Variants in SCRT2 observed in about 807,000 individuals in gnomAD.
SCRT2 encodes scratch family transcriptional repressor 2.
SCRT2 carries 2 observed loss-of-function variants against 3.7 expected under a neutral mutation model. That is an observed-to-expected ratio of 0.54 (90% CI 0.22 to 1.70). SCRT2 has a LOEUF of 1.70. Among genes scored for constraint, SCRT2 ranks in the 40% most tolerant of loss-of-function variants. The probability of loss-of-function intolerance (pLI) is 0.19; values close to 1 mark genes in which losing one functional copy is unlikely to be tolerated. For missense variants in SCRT2, 456 were observed against 468.5 expected (o/e 0.97, Z 0.25); for synonymous variants, 256 against 220.6 (o/e 1.16, Z -1.42).
rs1984174918 is a variant in SCRT2 at position 666,989 on chromosome 20, G to A, written c.134-2528C>T. On this transcript the variant is annotated intron_variant, in intron 1 of 1. Transcript: ENST00000246104. This position sits in a 1 kb window ranked among gnomAD's most constrained non-coding sequence, Gnocchi z 4.4. Reference sequence around the variant, plus strand: ...AGTGCTTTGAGTTCTATTATTAAAGGATGACATATTGGATAAGAGTAAAAC... The same window carrying A: ...AGTGCTTTGAGTTCTATTATTAAAGAATGACATATTGGATAAGAGTAAAAC... Among the ~76,000 whole-genome samples the A allele has an allele frequency of 6.6e-6, 1 of 152,162 alleles. No homozygotes were observed. The highest frequency in any genetic ancestry group is 2.1e-4 in the South Asian group (1 of 4,830).
chr20:665,549 TG>T lies in SCRT2; in HGVS notation c.134-1089del, dbSNP rs1984130781. 6.6e-6 allele frequency among the ~76,000 whole-genome samples: 1 copy of T among 152,148 alleles called. No individual in the cohort carries two copies. Among genetic ancestry groups the T allele is most frequent in the Admixed American group, 6.5e-5 (1 of 15,274 alleles). The stretch of plus-strand genomic sequence containing the variant: ...TTGAGTGATTGGTGGGTGGGCAGGC[TG>T]GGGTCTCCCTGGGGATTCCGTAGGG... On this transcript the variant is annotated intron_variant, in intron 1 of 1. Transcript: ENST00000246104. The surrounding 1 kb of genome is among the most constrained non-coding windows in gnomAD (Gnocchi z 5.0).
rs781582235 is a variant in SCRT2 at position 675,462 on chromosome 20, C to T, written c.133+7G>A. On this transcript the variant is annotated splice_region_variant and intron_variant, in intron 1 of 1. Coordinates refer to ENST00000246104, the MANE Select transcript of SCRT2 (RefSeq NM_033129.4). The surrounding 1 kb of genome is among the most constrained non-coding windows in gnomAD (Gnocchi z 6.9). ...CCAACCCCCCGCCCCCGCCGGGTCC[C>T]ACTCACCGTTGTCCCCGGGAGGCCC... 7.5e-7 allele frequency: 1 copy of T among 1,326,132 alleles called. No individual in the cohort carries two copies. The highest frequency in any genetic ancestry group is 9.7e-7 in the Non-Finnish European group (1 of 1,031,494). 82.1% of individuals were successfully genotyped at this position (1,326,132 alleles called of 1,614,324 possible).
At chr20:673,501 C>A (rs1984411514) in intron 1 of SCRT2, among the ~76,000 whole-genome samples, 1 of 152,190 alleles carries the variant, frequency 6.6e-6, no homozygotes. Flanking sequence ...TTCTGGCTAT[C>A]AGCACAGCCT....
rs1600472922 is a variant in SCRT2, at chr20:667,556, A to C, written c.134-3095T>G. Among the ~76,000 whole-genome samples the C allele has an allele frequency of 6.6e-6, 1 of 152,178 alleles. No homozygotes were observed. The highest frequency in any genetic ancestry group is 2.1e-4 in the South Asian group (1 of 4,832). ...TCTGGTGCATAGTAGGAGCTCCATCAGTGAACCAGAGCGTTCTCCATGAGG... is the reference window on the plus strand; with the variant it reads ...TCTGGTGCATAGTAGGAGCTCCATCCGTGAACCAGAGCGTTCTCCATGAGG... On this transcript the variant is annotated intron_variant, in intron 1 of 1. Coordinates refer to ENST00000246104, the MANE Select transcript of SCRT2 (RefSeq NM_033129.4). The surrounding 1 kb of genome is among the most constrained non-coding windows in gnomAD (Gnocchi z 4.4).
rs749435167 is a variant in SCRT2, at chr20:675,574, T to C, written c.28A>G (p.Ile10Val). The change falls in exon 1 of 2, where the codon ATC becomes GTC. Residue 10 changes from isoleucine (I) to valine (V), a missense_variant. Ile to Val is a conservative substitution (Grantham distance 29, BLOSUM62 3). Transcript: ENST00000246104. This position sits in a 1 kb window ranked among gnomAD's most constrained non-coding sequence, Gnocchi z 6.9. ...CTGCACTGGAAGCCGTCCCCTTTGA[T>C]CTTCTTTACCAGGAAGGAGCGCGGC... MPRSFLVKK[I>V]KGDGFQCSGV... 26 of 1,351,392 alleles carry C rather than the reference T, an allele frequency of 1.9e-5. No homozygotes were observed. In the Middle Eastern group the frequency reaches 6.4e-4, roughly 33 times the overall value. 83.7% of individuals were successfully genotyped at this position (1,351,392 alleles called of 1,614,324 possible).
intron 1 of SCRT2, among the ~76,000 whole-genome samples, chr20:671,897 G>A (rs1465879597): frequency 6.6e-6 from 1 of 152,164 alleles, no homozygotes; most frequent in Non-Finnish European, 1.5e-5. Context: ...AAGGTGGAGG[G>A]GAGGCAGACA....
chr20:668,682 T>C (rs1984233693), intron 1 of SCRT2, among the ~76,000 whole-genome samples: 1 of 152,172 alleles, frequency 6.6e-6, no homozygotes. Flanking sequence ...GGAAATGACT[T>C]TGGTTTTCCC....
At position 670,478 on chromosome 20, in the gene SCRT2, C is replaced by T. The variant is rs558320769; in HGVS notation, c.133+4991G>A. Among the ~76,000 whole-genome samples, 36 of 152,326 alleles carry T rather than the reference C, an allele frequency of 2.4e-4. 2 individuals carry two copies. The South Asian group carries it at 5.6e-3, about 24-fold the overall frequency. On this transcript the variant is annotated intron_variant, in intron 1 of 1. Transcript: ENST00000246104. ...GAGGCCCGAGGGACCCCATCTCTCC[C>T]GGCAGAGGGCCTCCAGGCTGTGGGG...
In SCRT2 at chr20:663,007, G is replaced by A. The variant is rs369159556; in HGVS notation, c.*664C>T. The A allele has an allele frequency of 3.9e-5, 6 of 152,846 alleles. No individual in the cohort carries two copies. The East Asian group carries it at 9.6e-4, about 24-fold the overall frequency. 9.5% of individuals were successfully genotyped at this position (152,846 alleles called of 1,614,324 possible). A position where few individuals can be genotyped will look rare whatever the true frequency, so the allele number is the denominator to read the frequency against. On this transcript the variant is annotated 3_prime_UTR_variant, in exon 2 of 2. Coordinates refer to ENST00000246104, the MANE Select transcript of SCRT2 (RefSeq NM_033129.4). The surrounding 1 kb of genome is among the most constrained non-coding windows in gnomAD (Gnocchi z 6.9). ...GGAACTGTGTGTGGGAGTGGGGTGTGGGGGTGTGTGTGTGTGTGAATGGCC... is the reference window on the plus strand; with the variant it reads ...GGAACTGTGTGTGGGAGTGGGGTGTAGGGGTGTGTGTGTGTGTGAATGGCC...
In SCRT2 at chr20:663,529, T is replaced by G; in HGVS notation, c.*142A>C. On this transcript the variant is annotated 3_prime_UTR_variant, in exon 2 of 2. Coordinates refer to ENST00000246104, the MANE Select transcript of SCRT2 (RefSeq NM_033129.4). This position sits in a 1 kb window ranked among gnomAD's most constrained non-coding sequence, Gnocchi z 6.9. ...TGGGTTTGGGGGTTGGGGAGAAAAGTTCCGGGCCGGGCCGGGGGTCCCCAC... is the reference window on the plus strand; with the variant it reads ...TGGGTTTGGGGGTTGGGGAGAAAAGGTCCGGGCCGGGCCGGGGGTCCCCAC... 2 of 750,078 alleles carry G rather than the reference T, an allele frequency of 2.7e-6. No homozygotes were observed. Among genetic ancestry groups the G allele is most frequent in the Non-Finnish European group, 3.7e-6 (2 of 542,910 alleles). 46.5% of individuals were successfully genotyped at this position (750,078 alleles called of 1,614,324 possible). A position where few individuals can be genotyped will look rare whatever the true frequency, so the allele number is the denominator to read the frequency against.
chr20:669,833 C>A (rs1984274072), intron 1 of SCRT2, among the ~76,000 whole-genome samples: 1 of 152,216 alleles, frequency 6.6e-6, no homozygotes, highest in Non-Finnish European at 1.5e-5. Flanking sequence ...TAGCGGTTCC[C>A]TGGGCACTGG....
rs1315552581 is a variant in SCRT2, at chr20:675,739, G to A, written c.-138C>T. The A allele has an allele frequency of 9.4e-6, 4 of 424,918 alleles. No individual in the cohort carries two copies. Among genetic ancestry groups the A allele is most frequent in the African/African-American group, 8.4e-5 (4 of 47,380 alleles). 26.3% of individuals were successfully genotyped at this position (424,918 alleles called of 1,614,324 possible). A position where few individuals can be genotyped will look rare whatever the true frequency, so the allele number is the denominator to read the frequency against. On this transcript the variant is annotated 5_prime_UTR_variant, in exon 1 of 2. Transcript: ENST00000246104. The surrounding 1 kb of genome is among the most constrained non-coding windows in gnomAD (Gnocchi z 6.9). ...CCGCTCGGAGCCGGCACCGGTGGCG[G>A]CGGCCCCGGCTCGGGCTCGGGCTTG...
intron 1 of SCRT2, among the ~76,000 whole-genome samples, chr20:672,539 A>T (rs75552362): frequency 0.078 from 11,862 of 151,876 alleles, 747 homozygotes; most frequent in East Asian, 0.21. Context: ...CTGCATCTTT[A>T]TCAGCTAGGA....
At position 662,162 on chromosome 20, in the gene SCRT2, C is replaced by G. The variant is rs557182625; in HGVS notation, c.*1509G>C. 5 of 152,984 alleles carry G rather than the reference C, an allele frequency of 3.3e-5. No homozygotes were observed. Among genetic ancestry groups the G allele is most frequent in the African/African-American group, 1.2e-4 (5 of 41,588 alleles). 9.5% of individuals were successfully genotyped at this position (152,984 alleles called of 1,614,324 possible). ...GCGGGTGGCTGGCAGCCCGGCCCCTCTGTCCGGGAGAGTTGCATAGACATG... is the reference window on the plus strand; with the variant it reads ...GCGGGTGGCTGGCAGCCCGGCCCCTGTGTCCGGGAGAGTTGCATAGACATG... On this transcript the variant is annotated 3_prime_UTR_variant, in exon 2 of 2. Transcript: ENST00000246104.
Position 663,558 on chromosome 20 carries a change from A to C in SCRT2, c.*113T>G, listed in dbSNP as rs112858215. ...GGGCCGGGCCGGGGGTCCCCACGAG[A>C]GGGTCATGGGCAGGGAAACGCAGCC... On this transcript the variant is annotated 3_prime_UTR_variant, in exon 2 of 2. Coordinates refer to ENST00000246104, the MANE Select transcript of SCRT2 (RefSeq NM_033129.4). The surrounding 1 kb of genome is among the most constrained non-coding windows in gnomAD (Gnocchi z 6.9). 74,125 of 1,007,216 alleles carry C rather than the reference A, an allele frequency of 0.074. 2,955 individuals are homozygous for C. The highest frequency in any genetic ancestry group is 0.14 in the Middle Eastern group (375 of 2,768). The allele number at this position is 1,007,216 out of a possible 1,614,324, so 62.4% of individuals were successfully genotyped here. A position where few individuals can be genotyped will look rare whatever the true frequency, so the allele number is the denominator to read the frequency against.
Position 662,473 on chromosome 20 carries a change from G to C in SCRT2, c.*1198C>G, listed in dbSNP as rs1983988500. The C allele has an allele frequency of 6.6e-6, 1 of 152,456 alleles. No homozygotes were observed. The highest frequency in any genetic ancestry group is 2.4e-5 in the African/African-American group (1 of 41,450). The allele number at this position is 152,456 out of a possible 1,614,324, so 9.4% of individuals were successfully genotyped here. On this transcript the variant is annotated 3_prime_UTR_variant, in exon 2 of 2. Transcript: ENST00000246104. The stretch of plus-strand genomic sequence containing the variant: ...CCTTAGCGAGTGCAGGCTCTGAAGA[G>C]GGTGGGTTTCTCCCGAGACGCGGGG...
At position 664,455 on chromosome 20, in the gene SCRT2, G is replaced by C. The variant is rs762935690; in HGVS notation, c.140C>G (p.Ala47Gly). 7.9e-7 allele frequency: 1 copy of C among 1,265,598 alleles called. No homozygotes were observed. Among genetic ancestry groups the C allele is most frequent in the Non-Finnish European group, 1.0e-6 (1 of 1,003,110 alleles). 78.4% of individuals were successfully genotyped at this position (1,265,598 alleles called of 1,614,324 possible). ...GCTGCTCGGGGGCAGGCGGTGCGGG[G>C]CGTACCCTGGAGGGGGCGAGAAGTG... ...ARGPPGDNGY[A>G]PHRLPPSSYD... Residue 47 changes from alanine (A) to glycine (G), a missense_variant, in exon 2 of 2, where the codon GCC (alanine) becomes GGC (glycine). Ala to Gly is a moderately conservative substitution (Grantham distance 60). Around this residue, in one of 3 missense-constraint regions of SCRT2, gnomAD observed 306 missense variants for 305.3 expected, o/e 1.00. Coordinates refer to ENST00000246104, the MANE Select transcript of SCRT2 (RefSeq NM_033129.4). This position sits in a 1 kb window ranked among gnomAD's most constrained non-coding sequence, Gnocchi z 7.9.
rs1984111154 is a variant in SCRT2, at chr20:664,968, G to A, written c.134-507C>T. 6.6e-6 allele frequency among the ~76,000 whole-genome samples: 1 copy of A among 152,152 alleles called. No individual in the cohort carries two copies. The highest frequency in any genetic ancestry group is 2.4e-5 in the African/African-American group (1 of 41,432). ...CTTGTGATTGGACACCTCCTTCCAGGGTCGTTGGAAGGACTGAGTAAAGTG... is the reference window on the plus strand; with the variant it reads ...CTTGTGATTGGACACCTCCTTCCAGAGTCGTTGGAAGGACTGAGTAAAGTG... On this transcript the variant is annotated intron_variant, in intron 1 of 1. Coordinates refer to ENST00000246104, the MANE Select transcript of SCRT2 (RefSeq NM_033129.4). This position sits in a 1 kb window ranked among gnomAD's most constrained non-coding sequence, Gnocchi z 7.9.
At position 674,378 on chromosome 20, in the gene SCRT2, A is replaced by ATC. The variant is rs142958054; in HGVS notation, c.133+1089_133+1090dup. Among the ~76,000 whole-genome samples the ATC allele has an allele frequency of 3.7e-3, 376 of 102,096 alleles. 4 individuals carry two copies. The highest frequency in any genetic ancestry group is 4.6e-3 in the South Asian group (13 of 2,800). The allele number at this position is 102,096 out of a possible 152,430, so 67.0% of individuals were successfully genotyped here. Reference sequence around the variant, plus strand: ...TCTCTCTCTCTCTTTCCCCACCCCCATCTCTCTCTCTCTCTCTCTCTCACA... The same window carrying ATC: ...TCTCTCTCTCTCTTTCCCCACCCCCATCTCTCTCTCTCTCTCTCTCTCTCACA... On this transcript the variant is annotated intron_variant, in intron 1 of 1. Coordinates refer to ENST00000246104, the MANE Select transcript of SCRT2 (RefSeq NM_033129.4).
Sources: allele counts gnomAD v4.1 joint callset (sites outside exome capture counted in the v4.1 genomes callset), GRCh38; gene constraint gnomAD v4.1.1; regional missense constraint gnomAD v4.1.1; non-coding constraint Gnocchi (gnomAD v3.1); transcripts MANE v1.5; gene names NCBI Gene and HGNC (gene_info 2026-07-23, HGNC 2026-07-21).